FAM53A: variants seen among roughly 807,000 people sequenced by gnomAD.
FAM53A encodes the protein family with sequence similarity 53 member A.
In FAM53A, 28 loss-of-function variants were observed where a neutral mutation model predicts 26.6. The observed-to-expected ratio is 1.05, with a 90% CI of 0.78 to 1.45. The LOEUF (loss-of-function observed/expected upper bound fraction) is 1.45, where lower values mean the gene tolerates loss of function less well. FAM53A is among the 40% of genes most tolerant of loss of function. The pLI is 0.00. For missense variants in FAM53A, 650 were observed against 575.8 expected, an observed-to-expected ratio of 1.13 and a Z score of -1.32; for synonymous variants, 290 against 253.1, an observed-to-expected ratio of 1.15 and a Z score of -1.38.
intron 2 of FAM53A, among the ~76,000 whole-genome samples, chr4:1,667,159 T>C (rs898061738): frequency 5.5e-5 from 8 of 146,222 alleles, no homozygotes; most frequent in Non-Finnish European, 7.5e-5. Flanking sequence ...TTTAGCCGGG[T>C]GTGGTGGCGT....
intron 2 of FAM53A, among the ~76,000 whole-genome samples, chr4:1,660,592 A>C (rs2108947382): frequency 6.6e-6 from 1 of 152,102 alleles, no homozygotes; most frequent in East Asian, 1.9e-4. Flanking sequence ...GTCTTTAAAA[A>C]CCTAAAAGTT....
At chr4:1,672,854 C>A (rs1052692716) in intron 1 of FAM53A, among the ~76,000 whole-genome samples, 2 of 150,408 alleles carry the variant, frequency 1.3e-5, no homozygotes, top group Admixed American at 1.3e-4. Flanking sequence ...ACTGCAACCT[C>A]CGCCTCCCGG....
rs1188927910 is a variant in FAM53A, at chr4:1,659,761, GC to G, written c.76-2294del. On this transcript the variant is annotated intron_variant, in intron 2 of 4. Transcript: ENST00000308132. The surrounding 1 kb of genome is among the most constrained non-coding windows in gnomAD (Gnocchi z 5.2). Reference sequence around the variant, plus strand: ...ACAGGCAGATTCAGTGTCTGGTAAGGCCACCTCCTGGTTCACAGACGGCTCT... The same window carrying G: ...ACAGGCAGATTCAGTGTCTGGTAAGGCACCTCCTGGTTCACAGACGGCTCT... Among the ~76,000 whole-genome samples, 1 of 152,176 alleles carries G rather than the reference GC, an allele frequency of 6.6e-6. No individual in the cohort carries two copies. The highest frequency in any genetic ancestry group is 1.5e-5 in the Non-Finnish European group (1 of 68,032).
chr4:1,683,085 G>A (rs993683684), intron 1 of FAM53A, among the ~76,000 whole-genome samples: 1 of 152,248 alleles, frequency 6.6e-6, no homozygotes, highest in African/African-American at 2.4e-5. Flanking sequence ...GACTCAAGGA[G>A]GCGGGACAAT....
chr4:1,680,328 A>AAAC (rs1715340743), intron 1 of FAM53A, among the ~76,000 whole-genome samples: 1 of 148,332 alleles, frequency 6.7e-6, no homozygotes, highest in Non-Finnish European at 1.5e-5. Flanking sequence ...TCAAAAAAAA[A>AAAC]AAAAAAAAAA....
the FAM53A span, among the ~76,000 whole-genome samples, chr4:1,584,917 C>T: frequency 1.3e-5 from 2 of 152,220 alleles, no homozygotes; most frequent in African/African-American, 4.8e-5. Context: ...AGACAGACTT[C>T]ACCTTTCAGT....
intron 1 of FAM53A, among the ~76,000 whole-genome samples, chr4:1,672,481 G>C (rs78339276): frequency 1.3e-5 from 2 of 152,220 alleles, no homozygotes; most frequent in African/African-American, 4.8e-5. Context: ...AGTGAGTGCA[G>C]AGAGAATGAG....
intron 1 of FAM53A, among the ~76,000 whole-genome samples, chr4:1,631,455 C>T (rs1028804260): frequency 1.5e-4 from 23 of 152,320 alleles, no homozygotes; most frequent in African/African-American, 5.3e-4. Flanking sequence ...GCTCCTGTGC[C>T]GGGCATTACG....
chr4:1,616,738 C>T (rs183794142), downstream of FAM53A, among the ~76,000 whole-genome samples: 1 of 152,336 alleles, frequency 6.6e-6, no homozygotes, highest in Admixed American at 6.5e-5. Context: ...ACACTGTTGC[C>T]TGCTTCGGTC....
At chr4:1,628,514 C>T (rs111216519) in intron 1 of FAM53A, among the ~76,000 whole-genome samples, 314 of 1,862 alleles carry the variant, frequency 0.17, 79 homozygotes, top group Middle Eastern at 0.5. Context: ...GAAGGGAGGG[C>T]GCACCTGGGC....
chr4:1,625,630 G>A (rs111500418), intron 1 of FAM53A, among the ~76,000 whole-genome samples: 36 of 83,254 alleles, frequency 4.3e-4, no homozygotes, highest in South Asian at 1.5e-3. Context: ...TCAGGGTCAC[G>A]CCAGGTGATC....
downstream of FAM53A, among the ~76,000 whole-genome samples, chr4:1,638,489 G>A (rs1433399668): frequency 2.6e-5 from 4 of 151,904 alleles, no homozygotes; most frequent in Non-Finnish European, 5.9e-5. Context: ...CGGGCCTCAG[G>A]AGGAGCCTCC....
At chr4:1,657,678 C>T (rs1008650504) in intron 2 of FAM53A, among the ~76,000 whole-genome samples, 3 of 152,234 alleles carry the variant, frequency 2.0e-5, no homozygotes, top group Non-Finnish European at 4.4e-5. Context: ...CGCACAGTCA[C>T]CCAGGCTGGA....
chr4:1,575,630 G>A, the FAM53A span, among the ~76,000 whole-genome samples: 1 of 152,110 alleles, frequency 6.6e-6, no homozygotes, highest in African/African-American at 2.4e-5. Context: ...AGCAGGGGGA[G>A]GGAGGGGTCT....
intron 1 of FAM53A, among the ~76,000 whole-genome samples, chr4:1,629,312 C>G (rs907838989): frequency 1.3e-5 from 2 of 152,182 alleles, no homozygotes; most frequent in African/African-American, 4.8e-5. Context: ...CTGCTGCCAC[C>G]CAGCGGCCTC....
chr4:1,647,987 T>C (rs962239932), intron 4 of FAM53A, among the ~76,000 whole-genome samples: 23 of 152,154 alleles, frequency 1.5e-4, no homozygotes, highest in Admixed American at 7.2e-4. Context: ...GGCAGGAAGA[T>C]GGCTTGAGCC....
At position 1,684,269 on chromosome 4, in the gene FAM53A, G is replaced by GCCGGCCGCCCAGGCC. The variant is rs1261292998; in HGVS notation, c.-216_-202dup. The GCCGGCCGCCCAGGCC allele has an allele frequency of 6.6e-5, 10 of 151,160 alleles. No homozygotes were observed. The highest frequency in any genetic ancestry group is 1.3e-4 in the Non-Finnish European group (9 of 67,548). 9.4% of individuals were successfully genotyped at this position (151,160 alleles called of 1,614,324 possible). On this transcript the variant is annotated 5_prime_UTR_variant, in exon 1 of 5. Coordinates refer to ENST00000308132, the MANE Select transcript of FAM53A (RefSeq NM_001174070.3). ...CGCGGGGGTGCGGAGCGAGAAGACTGCCGGCCGCCCAGGCCCCGCTCGCTC... is the reference window on the plus strand; with the variant it reads ...CGCGGGGGTGCGGAGCGAGAAGACTGCCGGCCGCCCAGGCCCCGGCCGCCCAGGCCCCGCTCGCTC...
chr4:1,644,106 G>A, intron 4 of FAM53A: 2 of 1,478,648 alleles, frequency 1.4e-6, no homozygotes, highest in Non-Finnish European at 1.8e-6. Flanking sequence ...TGGCTGCCGT[G>A]CTGCCCACAC....
chr4:1,666,351 C>G lies in FAM53A; in HGVS notation c.75+2316G>C, dbSNP rs1714233421. Among the ~76,000 whole-genome samples the G allele has an allele frequency of 2.8e-5, 4 of 143,552 alleles. No individual in the cohort carries two copies. In the South Asian group the frequency reaches 9.0e-4, roughly 32 times the overall value. The allele number at this position is 143,552 out of a possible 152,430, so 94.2% of individuals were successfully genotyped here. ...AAAATAAAACCTGCACCTGCACCCC[C>G]TGTATCTAAAATAAAACCTGCACCT... On this transcript the variant is annotated intron_variant, in intron 2 of 4. Transcript: ENST00000308132.
Sources: gnomAD v4.1 joint callset for allele counts (sites outside exome capture counted in the v4.1 genomes callset) on GRCh38, gnomAD v4.1.1 for gene constraint, Gnocchi (gnomAD v3.1) non-coding constraint, MANE v1.5 for transcripts, NCBI Gene and HGNC (gene_info 2026-07-23, HGNC 2026-07-21) for gene names.